The following PAPPA2 variants were observed in gnomAD, a reference collection of about 807,000 sequenced individuals.
PAPPA2 encodes pappalysin-2.
Under a neutral mutation model 176.4 loss-of-function variants are expected in PAPPA2, and 86 were observed. The observed-to-expected ratio is 0.49, with a 90% CI of 0.41 to 0.58. The LOEUF is 0.58. Among genes scored for constraint, PAPPA2 ranks in the 20% least tolerant of loss-of-function variants. The pLI, the probability that PAPPA2 is intolerant of heterozygous loss-of-function variation, is 0.00. For missense variants in PAPPA2, 2,073 were observed against 2,256.9 expected (o/e 0.92, Z 1.65); for synonymous variants, 809 against 852.2 (o/e 0.95, Z 0.88).
intron 21 of PAPPA2, among the ~76,000 whole-genome samples, chr1:176,821,178 T>C (rs1666649507): frequency 6.6e-6 from 1 of 152,172 alleles, no homozygotes; most frequent in Non-Finnish European, 1.5e-5. Flanking sequence ...GTGTTGAGAT[T>C]ACAAAAATGA....
In PAPPA2 at chr1:176,699,218, G is replaced by A; in HGVS notation, c.2865G>A (p.Leu955=). The change falls in exon 8 of 23, where the codon CTG becomes CTA. Residue 955 remains leucine, a synonymous_variant. Coordinates refer to ENST00000367662, the MANE Select transcript of PAPPA2 (RefSeq NM_020318.3). ...CCACAGAAGGCTGTAGCTTGGAGCT[G>A]CTCTTCCAACACCCGGTCCAAGCCG... The part of the protein sequence containing the change: ...PCPTEGCSLE[L]LFQHPVQADT... 6.2e-7 allele frequency: 1 copy of A among 1,614,136 alleles called. No individual in the cohort carries two copies. Among genetic ancestry groups the A allele is most frequent in the Non-Finnish European group, 8.5e-7 (1 of 1,179,998 alleles).
chr1:176,804,882 A>T (rs550081614), intron 21 of PAPPA2, among the ~76,000 whole-genome samples: 1 of 152,264 alleles, frequency 6.6e-6, no homozygotes, highest in South Asian at 2.1e-4. Context: ...TGTATAAAAG[A>T]CCTGTTAAAT....
At chr1:176,839,438 G>C (rs1230190407) in intron 21 of PAPPA2, among the ~76,000 whole-genome samples, 1 of 152,198 alleles carries the variant, frequency 6.6e-6, no homozygotes, top group Non-Finnish European at 1.5e-5. Flanking sequence ...AGTAGCAGTG[G>C]TGGATGGAAA....
In PAPPA2 at chr1:176,556,785, G is replaced by C. The variant is rs746786837; in HGVS notation, c.463G>C (p.Glu155Gln). The part of the protein sequence containing the change: ...DAYLGNQRSK[E>Q]SLGEAGIQKG... ...TTATCTCGGCAATCAAAGATCCAAG[G>C]AGTCTCTAGGTGAGGCCGGGATTCA... Residue 155 changes from glutamate to glutamine, a missense_variant, in exon 2 of 23, where the codon GAG (glutamate) becomes CAG (glutamine). Physicochemically the swap from Glu to Gln is conservative, Grantham distance 29. Coordinates refer to ENST00000367662, the MANE Select transcript of PAPPA2 (RefSeq NM_020318.3). 2 of 1,614,106 alleles carry C rather than the reference G, an allele frequency of 1.2e-6. No individual in the cohort carries two copies. Among genetic ancestry groups the C allele is most frequent in the South Asian group, 2.2e-5 (2 of 91,066 alleles).
Position 176,699,187 on chromosome 1 carries a change from C to T in PAPPA2, c.2834C>T (p.Pro945Leu), listed in dbSNP as rs766995163. 1 of 1,614,128 alleles carries T rather than the reference C, an allele frequency of 6.2e-7. No individual in the cohort carries two copies. The highest frequency in any genetic ancestry group is 1.1e-5 in the South Asian group (1 of 91,076). The change falls in exon 8 of 23, where the codon CCC becomes CTC. Residue 945 changes from proline to leucine, a missense_variant. Physicochemically the swap from Pro to Leu is moderately conservative, Grantham distance 98 (BLOSUM62 -3). This residue lies in a region of PAPPA2 where 1,196 missense variants were observed against 1,330.4 expected (regional missense o/e 0.90). Transcript: ENST00000367662. The part of the protein sequence containing the change: ...VHLYHMNMTV[P>L]CPTEGCSLEL... ...CTGTACCACATGAACATGACGGTCC[C>T]CTGCCCCACAGAAGGCTGTAGCTTG...
intron 6 of PAPPA2, among the ~76,000 whole-genome samples, chr1:176,694,836 G>C (rs1416990159): frequency 6.6e-6 from 1 of 152,306 alleles, no homozygotes; most frequent in South Asian, 2.1e-4. Context: ...AATAGAGCTT[G>C]GTCTGGACTG....
intron 17 of PAPPA2, among the ~76,000 whole-genome samples, chr1:176,785,946 C>T (rs1370470860): frequency 6.6e-6 from 1 of 152,154 alleles, no homozygotes; most frequent in African/African-American, 2.4e-5. Context: ...CAAGGGTTTT[C>T]CTTTATAATC....
At position 176,737,328 on chromosome 1, in the gene PAPPA2, A is replaced by C. The variant is rs140059422; in HGVS notation, c.3799-2298A>C. Among the ~76,000 whole-genome samples the C allele has an allele frequency of 6.4e-4, 98 of 152,122 alleles. 1 individual carries two copies. The highest frequency in any genetic ancestry group is 3.4e-3 in the Middle Eastern group (1 of 294). Reference sequence around the variant, plus strand: ...CTTACTCTCTCTCTCTAGAACTGTGAATTTAGTGGGTTCCTTTTGCCTCTG... The same window carrying C: ...CTTACTCTCTCTCTCTAGAACTGTGCATTTAGTGGGTTCCTTTTGCCTCTG... On this transcript the variant is annotated intron_variant, in intron 12 of 22. Coordinates refer to ENST00000367662, the MANE Select transcript of PAPPA2 (RefSeq NM_020318.3).
intron 6 of PAPPA2, among the ~76,000 whole-genome samples, chr1:176,693,339 G>A (rs1029265415): frequency 4.6e-5 from 7 of 152,228 alleles, no homozygotes; most frequent in African/African-American, 1.2e-4. Flanking sequence ...AACATACAAT[G>A]GCAAACCCAA....
intron 4 of PAPPA2, among the ~76,000 whole-genome samples, chr1:176,674,783 G>T (rs1659197207): frequency 1.3e-5 from 2 of 150,054 alleles, no homozygotes; most frequent in African/African-American, 2.5e-5. Context: ...TTTCCTTTGG[G>T]TAGATACCCA....
chr1:176,500,479 A>G (rs937055845), intron 1 of PAPPA2, among the ~76,000 whole-genome samples: 1 of 148,440 alleles, frequency 6.7e-6, no homozygotes, highest in Non-Finnish European at 1.5e-5. Context: ...GTACATATTT[A>G]TATATATACA....
intron 3 of PAPPA2, among the ~76,000 whole-genome samples, chr1:176,612,198 AGCCTGGC>A: frequency 6.6e-6 from 1 of 152,290 alleles, no homozygotes; most frequent in African/African-American, 2.4e-5. Flanking sequence ...GTTTGAGACC[AGCCTGGC>A]CAATATGGTG....
At chr1:176,764,127 G>A (rs185676709) in intron 14 of PAPPA2, among the ~76,000 whole-genome samples, 1 of 152,116 alleles carries the variant, frequency 6.6e-6, no homozygotes, top group South Asian at 2.1e-4. Context: ...CACAAGAACA[G>A]CACTAAGCCA....
intron 2 of PAPPA2, among the ~76,000 whole-genome samples, chr1:176,582,335 A>C (rs894467770): frequency 6.6e-6 from 1 of 152,304 alleles, no homozygotes; most frequent in South Asian, 2.1e-4. Flanking sequence ...TGCTCTGGCT[A>C]GGACTTCCAG....
At position 176,769,521 on chromosome 1, in the gene PAPPA2, A is replaced by G. The variant is rs906639687; in HGVS notation, c.4324-86A>G. ...TCCCGTTTTAAATGTTTAGACAGAT[A>G]ATCACCAAGACTCTTCTAAAGCCTG... On this transcript the variant is annotated intron_variant, in intron 15 of 22. Transcript: ENST00000367662. The G allele has an allele frequency of 1.0e-5, 14 of 1,381,282 alleles. No individual in the cohort carries two copies. In the African/African-American group the frequency reaches 1.9e-4, roughly 19 times the overall value. The allele number at this position is 1,381,282 out of a possible 1,614,324, so 85.6% of individuals were successfully genotyped here. A position where few individuals can be genotyped will look rare whatever the true frequency, so the allele number is the denominator to read the frequency against.
intron 5 of PAPPA2, 80 bp downstream of exon 5, chr1:176,690,510 C>T (rs762569706): frequency 2.1e-5 from 32 of 1,558,522 alleles, no homozygotes; most frequent in Non-Finnish European, 8.7e-6. Flanking sequence ...GGTGTGGGAG[C>T]TGATGGGAGA....
chr1:176,754,076 G>A (rs757107517), intron 14 of PAPPA2, among the ~76,000 whole-genome samples: 9 of 150,472 alleles, frequency 6.0e-5, no homozygotes, highest in Non-Finnish European at 1.0e-4. Flanking sequence ...AAGAGGCCAT[G>A]GACATGGTCT....
chr1:176,807,040 C>T (rs1047290358), intron 21 of PAPPA2, among the ~76,000 whole-genome samples: 5 of 152,246 alleles, frequency 3.3e-5, no homozygotes, highest in Non-Finnish European at 5.9e-5. Context: ...CTAGCCCACC[C>T]GCAAGAGAAA....
chr1:176,739,442 CTTG>C (rs2102872939), intron 12 of PAPPA2, among the ~76,000 whole-genome samples, 181 bp from the exon 13 acceptor site: 1 of 152,140 alleles, frequency 6.6e-6, no homozygotes, highest in Admixed American at 6.5e-5. Context: ...TCCATTTGAT[CTTG>C]TTGTTTGATA....
Sources: allele counts gnomAD v4.1 joint callset (sites outside exome capture counted in the v4.1 genomes callset), GRCh38; gene constraint gnomAD v4.1.1; regional missense constraint gnomAD v4.1.1; transcripts MANE v1.5; gene names NCBI Gene and HGNC (gene_info 2026-07-23, HGNC 2026-07-21).